The following GDPD2 variants were observed in gnomAD, a reference collection of about 807,000 sequenced individuals.
GDPD2 encodes the protein glycerophosphodiester phosphodiesterase 3.
GDPD2 carries 23 observed loss-of-function variants against 49.2 expected under a neutral mutation model. The observed-to-expected ratio is 0.47, with a 90% CI of 0.34 to 0.66. The LOEUF (loss-of-function observed/expected upper bound fraction) is 0.66, where lower values mean the gene tolerates loss of function less well. GDPD2 is among the 30% of genes least tolerant of loss of function. GDPD2 has a pLI of 0.01. For synonymous variants in GDPD2, 167 were observed against 171.4 expected (o/e 0.97, Z 0.20); for missense variants, 338 against 424.7 (o/e 0.80, Z 1.79).
In GDPD2 at chrX:70,427,337, G is replaced by A; in HGVS notation, c.810G>A (p.Met270Ile). Residue 270 changes from methionine to isoleucine, a missense_variant, in exon 10 of 16, where the codon ATG becomes ATA. Physicochemically the swap from Met to Ile is conservative, Grantham distance 10. Around this residue, in one of 3 missense-constraint regions of GDPD2, gnomAD observed 253 missense variants for 330.4 expected, o/e 0.77. Coordinates refer to ENST00000374382, the MANE Select transcript of GDPD2 (RefSeq NM_017711.4). Reference sequence around the variant, plus strand: ...GCTCCGATGGGGTCCCCTTCCTCATGCATGATGAGCACCTCAGCAGGACCA... The same window carrying A: ...GCTCCGATGGGGTCCCCTTCCTCATACATGATGAGCACCTCAGCAGGACCA... ...MVSSDGVPFLMHDEHLSRTTN... is the reference protein window; with the variant it reads ...MVSSDGVPFLIHDEHLSRTTN... 1 of 1,210,366 alleles carries A rather than the reference G, an allele frequency of 8.3e-7. No individual in the cohort carries two copies. The highest frequency in any genetic ancestry group is 1.1e-6 in the Non-Finnish European group (1 of 894,469).
intron 6 of GDPD2, 60 bp from the exon 7 acceptor site, chrX:70,426,588 T>G (rs2086426511): frequency 3.8e-6 from 4 of 1,059,507 alleles, no homozygotes; most frequent in Non-Finnish European, 5.2e-6. Flanking sequence ...AGTCAGGCCC[T>G]AAGAGGAAAG....
rs2086429978 is a variant in GDPD2 at position 70,426,891 on chromosome X, A to AT, written c.588dup (p.Gly197TrpfsTer53). 8.3e-7 allele frequency: 1 copy of AT among 1,207,960 alleles called. No individual in the cohort carries two copies. Among genetic ancestry groups the AT allele is most frequent in the Non-Finnish European group, 1.1e-6 (1 of 893,912 alleles). ...GTCCCAAGATTCTGCTACTGCTCCT[A>AT]TTTTTTGGAGTTGTCCTGGTCATCT... On this transcript the variant is annotated frameshift_variant, in exon 8 of 16. Coordinates refer to ENST00000374382, the MANE Select transcript of GDPD2 (RefSeq NM_017711.4). LOFTEE classifies it high-confidence loss of function.
At chrX:70,425,646 C>T (rs1469548735) in intron 3 of GDPD2, 117 bp from the exon 4 acceptor site, 7 of 559,820 alleles carry the variant, frequency 1.3e-5, no homozygotes, top group East Asian at 3.4e-5. Context: ...CCCCTGGCCA[C>T]GAGGGGCTTT....
intron 12 of GDPD2, among the ~76,000 whole-genome samples, chrX:70,431,309 T>C (rs946795259): frequency 7.1e-5 from 8 of 112,361 alleles, no homozygotes; most frequent in Admixed American, 6.6e-4. Context: ...GTCTAGGTGC[T>C]GTAAAAAGAT....
rs202164943 is a variant in GDPD2, at chrX:70,432,294, C to T, written c.1308-13C>T. ...ATTCTGGACATTCCCTATTTTCTTTCCCACCTTCACAGGGCATTGCATAAG... is the reference window on the plus strand; with the variant it reads ...ATTCTGGACATTCCCTATTTTCTTTTCCACCTTCACAGGGCATTGCATAAG... On this transcript the variant is annotated splice_polypyrimidine_tract_variant and intron_variant, in intron 12 of 15. Coordinates refer to ENST00000374382, the MANE Select transcript of GDPD2 (RefSeq NM_017711.4). 5,012 of 1,197,474 alleles carry T rather than the reference C, an allele frequency of 4.2e-3. 18 individuals carry two copies. The highest frequency in any genetic ancestry group is 0.024 in the Middle Eastern group (103 of 4,293).
chrX:70,426,495 G>C (rs1316515353), intron 6 of GDPD2, 26 bp downstream of exon 6: 1 of 1,159,253 alleles, frequency 8.6e-7, no homozygotes, highest in East Asian at 3.0e-5. Context: ...CCAGTGTCTA[G>C]ACGGGAGCCT....
chrX:70,425,320 A>G (rs1490727273), intron 2 of GDPD2, 34 bp from the exon 3 acceptor site: 5 of 966,808 alleles, frequency 5.2e-6, no homozygotes, highest in Admixed American at 2.2e-5. Flanking sequence ...TGAAGTAGGT[A>G]TTGGTTGTGA....
chrX:70,423,711 G>T (rs899391796), intron 1 of GDPD2, among the ~76,000 whole-genome samples: 2 of 110,662 alleles, frequency 1.8e-5, no homozygotes, highest in African/African-American at 6.6e-5. Flanking sequence ...AGAGGGGAGG[G>T]GTTTCCTTCC....
chrX:70,426,996 C>T lies in GDPD2; in HGVS notation c.687C>T (p.His229=). Residue 229 remains histidine (H), a synonymous_variant, in exon 8 of 16, where the codon CAC becomes CAT. Transcript: ENST00000374382. ...CACCCAAGCCTGGGCTGGTGGGACA[C>T]CGAGGGGCCCCCATGGTGAGTGTTG... The part of the protein sequence containing the change: ...DLPPKPGLVG[H]RGAPMLAPEN... 1.7e-6 allele frequency: 2 copies of T among 1,210,717 alleles called. No homozygotes were observed. Among genetic ancestry groups the T allele is most frequent in the Non-Finnish European group, 2.2e-6 (2 of 894,747 alleles).
intron 12 of GDPD2, among the ~76,000 whole-genome samples, chrX:70,431,726 A>G (rs920040943): frequency 9.8e-5 from 11 of 111,954 alleles, no homozygotes; most frequent in African/African-American, 3.6e-4. Flanking sequence ...TCTATAAAAT[A>G]AAATAAAATA....
intron 4 of GDPD2, 31 bp downstream of exon 4, chrX:70,425,887 C>T (rs747294404): frequency 1.1e-6 from 1 of 946,349 alleles, no homozygotes; most frequent in East Asian, 3.1e-5. Flanking sequence ...CCTAACCCCA[C>T]CTCAGCCTTC....
rs1305199832 is a variant in GDPD2 at position 70,429,897 on chromosome X, A to G, written c.1159-18A>G. On this transcript the variant is annotated intron_variant, in intron 11 of 15. Transcript: ENST00000374382. Reference sequence around the variant, plus strand: ...CTAGGTCTTCCCCAGCTTCACACCCATCCTTCCTGAACCACAGGTCTTTTG... The same window carrying G: ...CTAGGTCTTCCCCAGCTTCACACCCGTCCTTCCTGAACCACAGGTCTTTTG... The G allele has an allele frequency of 2.5e-6, 3 of 1,208,735 alleles. No individual in the cohort carries two copies. In the East Asian group the frequency reaches 8.9e-5, roughly 36 times the overall value.
At position 70,426,913 on chromosome X, in the gene GDPD2, A is replaced by G; in HGVS notation, c.604A>G (p.Ile202Val). 8.3e-7 allele frequency: 1 copy of G among 1,208,074 alleles called. No homozygotes were observed. Among genetic ancestry groups the G allele is most frequent in the Non-Finnish European group, 1.1e-6 (1 of 892,417 alleles). ...LLLFFGVVLV[I>V]YLAPLCISSP... The stretch of plus-strand genomic sequence containing the variant: ...CCTATTTTTTGGAGTTGTCCTGGTC[A>G]TCTACTTGGCCCCCCTATGCATCTC... The change falls in exon 8 of 16, where the codon ATC (isoleucine) becomes GTC (valine). Residue 202 changes from isoleucine (I) to valine (V), a missense_variant. Around this residue, in one of 3 missense-constraint regions of GDPD2, gnomAD observed 253 missense variants for 330.4 expected, o/e 0.77. Coordinates refer to ENST00000374382, the MANE Select transcript of GDPD2 (RefSeq NM_017711.4).
intron 7 of GDPD2, 41 bp from the exon 8 acceptor site, chrX:70,426,825 C>T: frequency 8.3e-7 from 1 of 1,200,547 alleles, no homozygotes; most frequent in Non-Finnish European, 1.1e-6. Flanking sequence ...CAGAGCTCTC[C>T]CCTTGCCCAT....
At chrX:70,426,600 G>T in intron 6 of GDPD2, 48 bp from the exon 7 acceptor site, 1 of 1,075,461 alleles carries the variant, frequency 9.3e-7, no homozygotes, top group Non-Finnish European at 1.3e-6. Flanking sequence ...AGAGGAAAGC[G>T]GGGAGGGGCA....
chrX:70,430,921 G>A (rs1243167837), intron 12 of GDPD2: 1 of 423,734 alleles, frequency 2.4e-6, no homozygotes, highest in Non-Finnish European at 4.1e-6. Context: ...TGAGTAGCTA[G>A]GACTATAGGC....
In GDPD2 at chrX:70,426,662, C is replaced by A; in HGVS notation, c.477C>A (p.Phe159Leu). ...CTTGTCCACAGGCCACAGCCCCATT[C>A]CTTCATATTGGAGCAGCCGCTGGAA... ...LRVSLQATAP[F>L]LHIGAAAGIA... Residue 159 changes from phenylalanine (F) to leucine (L), a missense_variant, in exon 7 of 16, where the codon TTC (phenylalanine) becomes TTA (leucine). Phe to Leu is a conservative substitution (Grantham distance 22, BLOSUM62 0). This residue lies in a region of GDPD2 where 253 missense variants were observed against 330.4 expected (regional missense o/e 0.77). Coordinates refer to ENST00000374382, the MANE Select transcript of GDPD2 (RefSeq NM_017711.4). 8.3e-7 allele frequency: 1 copy of A among 1,204,968 alleles called. No individual in the cohort carries two copies. The highest frequency in any genetic ancestry group is 1.1e-6 in the Non-Finnish European group (1 of 890,111).
In GDPD2 at chrX:70,429,628, C is replaced by T. The variant is rs2086456980; in HGVS notation, c.1072C>T (p.Arg358Ter). 8.3e-7 allele frequency: 1 copy of T among 1,208,806 alleles called. No individual in the cohort carries two copies. The highest frequency in any genetic ancestry group is 1.1e-6 in the Non-Finnish European group (1 of 893,489). ...CCTTTCCATCATGTTCGACTTGCGC[C>T]GACCCCCACAGAACCACACATACTA... is the stretch of plus-strand genomic sequence containing the variant. The part of the protein sequence containing the change: ...LNLSIMFDLR[R>*]PPQNHTYYDT... Residue 358 changes from arginine (R) to a stop codon, truncating the protein, a stop_gained, in exon 11 of 16, where the codon CGA becomes TGA. Coordinates refer to ENST00000374382, the MANE Select transcript of GDPD2 (RefSeq NM_017711.4). LOFTEE classifies it high-confidence loss of function.
intron 12 of GDPD2, 149 bp downstream of exon 12, chrX:70,430,212 C>T (rs772903543): frequency 2.0e-6 from 1 of 506,594 alleles, no homozygotes; most frequent in African/African-American, 2.4e-5. Flanking sequence ...GTATTGCAGG[C>T]TTTGGGGAAA....
Sources: allele counts gnomAD v4.1 joint callset (sites outside exome capture counted in the v4.1 genomes callset), GRCh38; gene constraint gnomAD v4.1.1; regional missense constraint gnomAD v4.1.1; transcripts MANE v1.5; gene names NCBI Gene and HGNC (gene_info 2026-07-23, HGNC 2026-07-21).